The following SP140 variants were observed in gnomAD, a reference collection of about 807,000 sequenced individuals.
The protein encoded by SP140 is SP140 nuclear body protein, also known as nuclear body protein SP140.
A neutral mutation model predicts 125.0 loss-of-function variants in SP140; 81 were observed. That is an observed-to-expected ratio of 0.65 (90% CI 0.54 to 0.78). The LOEUF is 0.78. SP140 is among the 30% of genes least tolerant of loss of function. The pLI is 0.00. For synonymous variants in SP140, 312 were observed against 354.0 expected, an observed-to-expected ratio of 0.88 and a Z score of 1.33; for missense variants, 858 against 1,037.0, an observed-to-expected ratio of 0.83 and a Z score of 2.37.
downstream of SP140, among the ~76,000 whole-genome samples, chr2:230,315,130 A>G (rs1233953579): frequency 2.6e-5 from 4 of 152,244 alleles, no homozygotes; most frequent in Non-Finnish European, 4.4e-5. Flanking sequence ...TTGGACATCA[A>G]TGAGCAGAAT....
chr2:230,214,352 C>A (rs530981679), intron 3 of SP140, among the ~76,000 whole-genome samples: 1 of 152,076 alleles, frequency 6.6e-6, no homozygotes, highest in Non-Finnish European at 1.5e-5. Flanking sequence ...TGTCCTTGTC[C>A]GGACTAGTGG....
intron 9 of SP140, among the ~76,000 whole-genome samples, chr2:230,250,179 T>TTTCTCTGCTTTAGCACAATTG (rs1295181421): frequency 6.6e-6 from 1 of 152,232 alleles, no homozygotes; most frequent in African/African-American, 2.4e-5. Flanking sequence ...TCAGACTCTT[T>TTTCTCTGCTTTAGCACAATTG]TTCTCTGCTT....
chr2:230,231,853 C>A (rs1258129426), intron 1 of SP140, among the ~76,000 whole-genome samples: 1 of 152,104 alleles, frequency 6.6e-6, no homozygotes, highest in Non-Finnish European at 1.5e-5. Flanking sequence ...ATTACAGGTG[C>A]CTGCCACCAT....
At chr2:230,290,650 T>C (rs1004380082) in intron 19 of SP140, 86 bp downstream of exon 19, 6 of 1,153,252 alleles carry the variant, frequency 5.2e-6, no homozygotes, top group Non-Finnish European at 7.6e-6. Context: ...TTACACATCA[T>C]TCAAGGAGTT....
At chr2:230,313,765 T>C (rs2059459926), downstream of SP140, among the ~76,000 whole-genome samples, 1 of 152,190 alleles carries the variant, frequency 6.6e-6, no homozygotes, top group African/African-American at 2.4e-5. Flanking sequence ...AGAATATGGA[T>C]AGCCCCAGAA....
chr2:230,233,877 G>A (rs1243541313), intron 1 of SP140, among the ~76,000 whole-genome samples: 1 of 152,208 alleles, frequency 6.6e-6, no homozygotes, highest in Admixed American at 6.5e-5. Flanking sequence ...ATATTCATGA[G>A]AGAATGAGAA....
chr2:230,217,698 G>C (rs2045375076), intron 3 of SP140, among the ~76,000 whole-genome samples: 2 of 152,190 alleles, frequency 1.3e-5, no homozygotes, highest in Non-Finnish European at 1.5e-5. Flanking sequence ...GAGTGGAAGA[G>C]CTGGGAGCAA....
chr2:230,186,288 C>T, the SP140 span: 1 of 757,218 alleles, frequency 1.3e-6, no homozygotes, highest in Non-Finnish European at 2.1e-6. Flanking sequence ...CATAATACTT[C>T]CTTCTATTTC....
chr2:230,197,631 T>C, the SP140 span, among the ~76,000 whole-genome samples: 1 of 152,138 alleles, frequency 6.6e-6, no homozygotes, highest in Non-Finnish European at 1.5e-5. Context: ...GCCTATATCC[T>C]GAATGGTATT....
chr2:230,200,636 G>A, upstream of SP140: 1 of 541,228 alleles, frequency 1.8e-6, no homozygotes, highest in Non-Finnish European at 3.3e-6. Context: ...TCATTCTTGA[G>A]TGCTGAGAAA....
Position 230,244,933 on chromosome 2 carries a change from C to T in SP140, c.572-55C>T, listed in dbSNP as rs1033837020. The T allele has an allele frequency of 1.2e-5, 16 of 1,285,146 alleles. No homozygotes were observed. The African/African-American group carries it at 2.2e-4, about 18-fold the overall frequency. 79.6% of individuals were successfully genotyped at this position (1,285,146 alleles called of 1,614,324 possible). A position where few individuals can be genotyped will look rare whatever the true frequency, so the allele number is the denominator to read the frequency against. On this transcript the variant is annotated intron_variant, in intron 5 of 26. Transcript: ENST00000392045. The stretch of plus-strand genomic sequence containing the variant: ...CACTTGAGTGCTGAACACCAGGATT[C>T]AGCAGGAGCATCCTGAGGTCTGTGC...
intron 12 of SP140, among the ~76,000 whole-genome samples, chr2:230,260,546 T>C (rs1156770696): frequency 6.6e-6 from 1 of 152,236 alleles, no homozygotes; most frequent in African/African-American, 2.4e-5. Flanking sequence ...GTTTTTCTGA[T>C]GTTATCTTCC....
At chr2:230,238,879 A>G (rs1268643489) in intron 3 of SP140, 9 of 1,551,830 alleles carry the variant, frequency 5.8e-6, no homozygotes, top group Middle Eastern at 1.8e-4. Flanking sequence ...TGTGAAAGCT[A>G]TGAAGACAGA....
intron 1 of SP140, chr2:230,212,578 A>G: frequency 1.9e-6 from 2 of 1,056,138 alleles, no homozygotes; most frequent in East Asian, 2.4e-5. Flanking sequence ...GGTGTTCTGG[A>G]CTCTAGGTCT....
At chr2:230,206,971 AGG>A (rs2043933503) in intron 1 of SP140, among the ~76,000 whole-genome samples, 1 of 152,074 alleles carries the variant, frequency 6.6e-6, no homozygotes, top group African/African-American at 2.4e-5. Context: ...GTCTTTCCCT[AGG>A]TATTTATATA....
chr2:230,298,904 C>A lies in SP140; in HGVS notation c.2058+1442C>A, dbSNP rs142687162. 4.6e-3 allele frequency among the ~76,000 whole-genome samples: 698 copies of A among 152,330 alleles called. 3 individuals carry two copies. Among genetic ancestry groups the A allele is most frequent in the African/African-American group, 0.016 (667 of 41,580 alleles). On this transcript the variant is annotated intron_variant, in intron 22 of 26. Coordinates refer to ENST00000392045, the MANE Select transcript of SP140 (RefSeq NM_007237.5). ...GTCACCTAAAGAAGAATACCAGTGC[C>A]TGTGCCTCAACCCTGACCCAGTGAT...
chr2:230,246,588 A>T (rs1183219287), intron 7 of SP140, among the ~76,000 whole-genome samples: 7 of 152,230 alleles, frequency 4.6e-5, no homozygotes, highest in African/African-American at 1.7e-4. Flanking sequence ...CCCTTTGTTA[A>T]TGGCAAAAGA....
the SP140 span, among the ~76,000 whole-genome samples, chr2:230,190,614 A>G: frequency 1.3e-5 from 2 of 152,028 alleles, no homozygotes; most frequent in Non-Finnish European, 2.9e-5. Flanking sequence ...TGGCTTTTTT[A>G]TCATGAAGAC....
chr2:230,302,229 CA>C (rs745810802), intron 22 of SP140, among the ~76,000 whole-genome samples: 2,451 of 126,752 alleles, frequency 0.019, 33 homozygotes, highest in African/African-American at 0.052. Flanking sequence ...ACTAAAAATA[CA>C]AAAAAAAAAA....
Sources: gnomAD v4.1 joint callset for allele counts (sites outside exome capture counted in the v4.1 genomes callset) on GRCh38, gnomAD v4.1.1 for gene constraint, MANE v1.5 for transcripts, NCBI Gene and HGNC (gene_info 2026-07-23, HGNC 2026-07-21) for gene names.